Variants in ULK4 observed in about 807,000 individuals in gnomAD.
ULK4 encodes the protein inactive serine/threonine-protein kinase ULK4.
Under a neutral mutation model 160.6 loss-of-function variants are expected in ULK4, and 133 were observed. The observed-to-expected ratio is 0.83, with a 90% CI of 0.72 to 0.96. The LOEUF (loss-of-function observed/expected upper bound fraction) is 0.96, where lower values mean the gene tolerates loss of function less well. ULK4 is among the 40% of genes least tolerant of loss of function. The pLI is 0.00. For synonymous variants in ULK4, 534 were observed against 539.8 expected, an observed-to-expected ratio of 0.99 and a Z score of 0.15; for missense variants, 1,580 against 1,499.5, an observed-to-expected ratio of 1.05 and a Z score of -0.89.
chr3:41,648,432 A>T (rs1482284657), intron 30 of ULK4, among the ~76,000 whole-genome samples: 2 of 152,246 alleles, frequency 1.3e-5, no homozygotes, highest in Admixed American at 6.5e-5. Flanking sequence ...TGTAAACAAT[A>T]ACAAGGCCTT....
At chr3:41,583,822 G>A (rs1447623584) in intron 31 of ULK4, among the ~76,000 whole-genome samples, 2 of 152,192 alleles carry the variant, frequency 1.3e-5, no homozygotes, top group African/African-American at 4.8e-5. Flanking sequence ...CTAGGGTATG[G>A]CATGGTGAAT....
chr3:41,295,410 G>A (rs1225201598), intron 35 of ULK4, among the ~76,000 whole-genome samples: 1 of 133,394 alleles, frequency 7.5e-6, no homozygotes, highest in Non-Finnish European at 1.7e-5. Context: ...ATGACCTCGG[G>A]TATGACAATG....
chr3:41,767,174 G>A (rs767281171), intron 21 of ULK4, among the ~76,000 whole-genome samples: 10 of 151,968 alleles, frequency 6.6e-5, no homozygotes, highest in East Asian at 3.8e-4. Context: ...CTTTTTGTCC[G>A]GATAAGTAAA....
chr3:41,886,725 A>G (rs1324691122), intron 16 of ULK4, among the ~76,000 whole-genome samples: 1 of 151,970 alleles, frequency 6.6e-6, no homozygotes, highest in Non-Finnish European at 1.5e-5. Context: ...ACAGGCACGC[A>G]CCACCATGCC....
intron 31 of ULK4, among the ~76,000 whole-genome samples, chr3:41,607,718 T>C (rs183633455): frequency 9.8e-4 from 149 of 152,344 alleles, no homozygotes; most frequent in African/African-American, 3.5e-3. Context: ...CAGTGGAGAC[T>C]GGCTAAACAA....
At chr3:41,655,368 G>C (rs1559464836) in intron 30 of ULK4, among the ~76,000 whole-genome samples, 1 of 127,508 alleles carries the variant, frequency 7.8e-6, no homozygotes, top group East Asian at 2.6e-4. Flanking sequence ...CACACACCGG[G>C]GACTGTTGTG....
At chr3:41,327,244 C>T (rs891748979) in intron 35 of ULK4, among the ~76,000 whole-genome samples, 32 of 152,162 alleles carry the variant, frequency 2.1e-4, no homozygotes, top group Admixed American at 8.5e-4. Context: ...ATTGGAAGAA[C>T]GTGTCTTGTT....
chr3:41,948,100 A>C (rs1339789235), intron 2 of ULK4, among the ~76,000 whole-genome samples: 1 of 151,868 alleles, frequency 6.6e-6, no homozygotes, highest in African/African-American at 2.4e-5. Flanking sequence ...CTCTCCATCT[A>C]TGTGTTCTCT....
At chr3:41,505,420 ATTCT>A in intron 32 of ULK4, among the ~76,000 whole-genome samples, 1 of 152,300 alleles carries the variant, frequency 6.6e-6, no homozygotes, top group South Asian at 2.1e-4. Context: ...CAATTCATTC[ATTCT>A]ATTATAAATA....
intron 5 of ULK4, among the ~76,000 whole-genome samples, chr3:41,930,260 T>C (rs1212398267): frequency 5.1e-5 from 6 of 116,572 alleles, no homozygotes; most frequent in Non-Finnish European, 8.2e-5. Flanking sequence ...GGAAATCCTA[T>C]TGTGTTGGGA....
At chr3:41,586,346 C>T (rs776407650) in intron 31 of ULK4, among the ~76,000 whole-genome samples, 3 of 152,040 alleles carry the variant, frequency 2.0e-5, no homozygotes, top group Non-Finnish European at 2.9e-5. Flanking sequence ...TTTGCAACAA[C>T]ATGGATGAAT....
intron 22 of ULK4, among the ~76,000 whole-genome samples, chr3:41,746,376 T>G (rs1434095230): frequency 3.3e-5 from 5 of 149,536 alleles, no homozygotes; most frequent in African/African-American, 1.2e-4. Flanking sequence ...CAATTAAATG[T>G]GGAAATTGAA....
At chr3:41,631,480 T>C (rs1465290812) in intron 30 of ULK4, among the ~76,000 whole-genome samples, 1 of 152,234 alleles carries the variant, frequency 6.6e-6, no homozygotes, top group African/African-American at 2.4e-5. Context: ...AATATATCTC[T>C]GATTTAGGGA....
intron 30 of ULK4, among the ~76,000 whole-genome samples, chr3:41,630,887 A>G (rs984387900): frequency 6.6e-6 from 1 of 152,152 alleles, no homozygotes; most frequent in Non-Finnish European, 1.5e-5. Flanking sequence ...GGAGGTTTAG[A>G]TTTCATATTT....
At chr3:41,507,543 C>T (rs190020789) in intron 32 of ULK4, among the ~76,000 whole-genome samples, 1 of 119,158 alleles carries the variant, frequency 8.4e-6, no homozygotes. Flanking sequence ...CAGAAAACCA[C>T]AAACCATTGG....
intron 21 of ULK4, among the ~76,000 whole-genome samples, chr3:41,786,612 A>G (rs1233080244): frequency 6.6e-6 from 1 of 152,014 alleles, no homozygotes; most frequent in East Asian, 1.9e-4. Context: ...AAAAAAAAAA[A>G]AAAAAGCAAA....
At chr3:41,750,035 A>C (rs975203258) in intron 22 of ULK4, among the ~76,000 whole-genome samples, 3 of 152,232 alleles carry the variant, frequency 2.0e-5, no homozygotes, top group Non-Finnish European at 4.4e-5. Context: ...AATTCTGCCA[A>C]GAACCAGCGA....
chr3:41,485,055 T>G (rs1208333505), intron 32 of ULK4, among the ~76,000 whole-genome samples: 2 of 152,206 alleles, frequency 1.3e-5, no homozygotes, highest in East Asian at 3.8e-4. Context: ...TCTTTCCATG[T>G]GCCAGGTATT....
At chr3:41,765,036 A>T (rs1317141351) in intron 21 of ULK4, among the ~76,000 whole-genome samples, 5 of 152,136 alleles carry the variant, frequency 3.3e-5, no homozygotes, top group Admixed American at 6.5e-5. Flanking sequence ...ATACCATTTG[A>T]CCCAGCCATC....
Sources: gnomAD v4.1 joint callset for allele counts (sites outside exome capture counted in the v4.1 genomes callset) on GRCh38, gnomAD v4.1.1 for gene constraint, MANE v1.5 for transcripts, NCBI Gene and HGNC (gene_info 2026-07-23, HGNC 2026-07-21) for gene names.